The following RGMA variants were observed in gnomAD, a reference collection of about 807,000 sequenced individuals.
RGMA encodes the protein repulsive guidance molecule BMP co-receptor a, also known as repulsive guidance molecule A.
A neutral mutation model predicts 23.2 loss-of-function variants in RGMA; 10 were observed. The ratio of observed to expected loss-of-function variants is 0.43; its 90% CI spans 0.27 to 0.73. RGMA has a LOEUF of 0.73. RGMA is among the 30% of genes least tolerant of loss of function. RGMA has a pLI of 0.20. For missense variants in RGMA, 547 were observed against 630.5 expected, an observed-to-expected ratio of 0.87 and a Z score of 1.42; for synonymous variants, 308 against 279.3, an observed-to-expected ratio of 1.10 and a Z score of -1.03.
intron 1 of RGMA, chr15:93,073,620 G>A (rs918637082): frequency 1.8e-5 from 27 of 1,536,812 alleles, no homozygotes; most frequent in African/African-American, 2.7e-5. Context: ...CTCATCAGTC[G>A]CACTCAGACG....
chr15:93,077,607 T>C (rs909643782), intron 1 of RGMA, among the ~76,000 whole-genome samples: 5 of 152,190 alleles, frequency 3.3e-5, no homozygotes, highest in African/African-American at 1.2e-4. Context: ...CTACAGAAGC[T>C]TCAGTTCTGG....
Position 93,043,238 on chromosome 15 carries a change from A to T in RGMA, c.*1760T>A, listed in dbSNP as rs1245749739. The T allele has an allele frequency of 2.0e-5, 3 of 149,042 alleles. No individual in the cohort carries two copies. The highest frequency in any genetic ancestry group is 7.5e-5 in the African/African-American group (3 of 39,966). The allele number at this position is 149,042 out of a possible 1,614,324, so 9.2% of individuals were successfully genotyped here. ...CACAGGCATGCGCACACATGCGTAC[A>T]TGCACGCACACAGGCACGCACACAC... On this transcript the variant is annotated 3_prime_UTR_variant, in exon 4 of 4. Transcript: ENST00000329082.
In RGMA at chr15:93,045,248, A is replaced by T. The variant is rs1469818138; in HGVS notation, c.1103T>A (p.Leu368Gln). The change falls in exon 4 of 4, where the codon CTG (leucine) becomes CAG (glutamine). Residue 368 changes from leucine to glutamine, a missense_variant. Leu to Gln is a moderately radical substitution (Grantham distance 113). This residue lies in a region of RGMA where 205 missense variants were observed against 204.1 expected (regional missense o/e 1.00). Coordinates refer to ENST00000329082, the MANE Select transcript of RGMA (RefSeq NM_020211.3). The surrounding 1 kb of genome is among the most constrained non-coding windows in gnomAD (Gnocchi z 6.9). Reference sequence around the variant, plus strand: ...CTGGTAGTACAGGTCCTCCACCGGCAGCTTCTCCTTGCACTTGGCCACGGC... The same window carrying T: ...CTGGTAGTACAGGTCCTCCACCGGCTGCTTCTCCTTGCACTTGGCCACGGC... The part of the protein sequence containing the change: ...ETAVAKCKEK[L>Q]PVEDLYYQAC... 1 of 1,612,774 alleles carries T rather than the reference A, an allele frequency of 6.2e-7. No homozygotes were observed. The highest frequency in any genetic ancestry group is 1.7e-5 in the Admixed American group (1 of 59,942).
chr15:93,050,282 C>T lies in RGMA; in HGVS notation c.645+1711G>A, dbSNP rs533962970. Among the ~76,000 whole-genome samples, 4 of 152,314 alleles carry T rather than the reference C, an allele frequency of 2.6e-5. No homozygotes were observed. In the South Asian group the frequency reaches 6.2e-4, roughly 24 times the overall value. ...TCCATCAATGAGTGAACAAACACAC[C>T]TGAGTAACGGAGGCCTGACAGACAG... On this transcript the variant is annotated intron_variant, in intron 3 of 3. Coordinates refer to ENST00000329082, the MANE Select transcript of RGMA (RefSeq NM_020211.3).
intron 2 of RGMA, among the ~76,000 whole-genome samples, chr15:93,052,829 C>T (rs1006058040): frequency 6.6e-6 from 1 of 152,190 alleles, no homozygotes; most frequent in East Asian, 1.9e-4. Context: ...ACCCTGGGGC[C>T]GCTGACATCT....
intron 2 of RGMA, among the ~76,000 whole-genome samples, chr15:93,060,532 G>A (rs1365775396): frequency 6.6e-6 from 1 of 152,222 alleles, no homozygotes; most frequent in East Asian, 1.9e-4. Context: ...GTGGCTCCCA[G>A]ACCCGATGGG....
intron 2 of RGMA, among the ~76,000 whole-genome samples, chr15:93,061,903 G>A (rs879494466): frequency 5.9e-5 from 9 of 152,172 alleles, no homozygotes; most frequent in Non-Finnish European, 1.0e-4. Context: ...GAGGGGGTGT[G>A]AAGGATCGAC....
chr15:93,064,227 A>G (rs1233619435), intron 2 of RGMA, among the ~76,000 whole-genome samples: 2 of 152,260 alleles, frequency 1.3e-5, no homozygotes, highest in Non-Finnish European at 2.9e-5. Flanking sequence ...GGCTGGACAC[A>G]GGATTCCACG....
rs539364846 is a variant in RGMA at position 93,078,766 on chromosome 15, G to C, written c.15-5735C>G. Among the ~76,000 whole-genome samples, 5 of 152,330 alleles carry C rather than the reference G, an allele frequency of 3.3e-5. No homozygotes were observed. The East Asian group carries it at 9.6e-4, about 29-fold the overall frequency. On this transcript the variant is annotated intron_variant, in intron 1 of 3. Transcript: ENST00000329082. ...AACTGCCAGGTTTGGGTAGAGCCCA[G>C]GTAGAATACTATTTTTCGCTTGTTT...
intron 1 of RGMA, among the ~76,000 whole-genome samples, chr15:93,081,363 A>G (rs1385347105): frequency 6.6e-6 from 1 of 152,220 alleles, no homozygotes; most frequent in Non-Finnish European, 1.5e-5. Flanking sequence ...CACGTAGGAA[A>G]TGTCATTTGA....
chr15:93,048,705 G>A (rs542916828), intron 3 of RGMA, among the ~76,000 whole-genome samples: 21 of 152,230 alleles, frequency 1.4e-4, no homozygotes, highest in African/African-American at 4.6e-4. Flanking sequence ...CTATGGAAAC[G>A]GCAACTTCAT....
At position 93,052,166 on chromosome 15, in the gene RGMA, G is replaced by C; in HGVS notation, c.472C>G (p.Pro158Ala). ...AAGAGGCCACAGTGCGTGTAGTTGGGGGTGGCCGAGTGCTTGTGAAAGCTC... is the reference window on the plus strand; with the variant it reads ...AAGAGGCCACAGTGCGTGTAGTTGGCGGTGGCCGAGTGCTTGTGAAAGCTC... ...EKSFHKHSAT[P>A]NYTHCGLFGD... Residue 158 changes from proline (P) to alanine (A), a missense_variant, in exon 3 of 4, where the codon CCC (proline) becomes GCC (alanine). Transcript: ENST00000329082. The C allele has an allele frequency of 6.2e-7, 1 of 1,613,480 alleles. No homozygotes were observed. Among genetic ancestry groups the C allele is most frequent in the Non-Finnish European group, 8.5e-7 (1 of 1,179,580 alleles).
chr15:93,065,052 A>C (rs1895097130), intron 2 of RGMA, among the ~76,000 whole-genome samples: 1 of 150,422 alleles, frequency 6.6e-6, no homozygotes, highest in South Asian at 2.1e-4. Flanking sequence ...ATCTCGGCTC[A>C]CTGCAACCTC....
chr15:93,082,709 C>T (rs1041922255), intron 1 of RGMA, among the ~76,000 whole-genome samples: 2 of 152,154 alleles, frequency 1.3e-5, no homozygotes, highest in African/African-American at 4.8e-5. Flanking sequence ...GAAAAATTTC[C>T]GTGAACAATC....
At chr15:93,066,712 C>T in intron 2 of RGMA, 1 of 356,116 alleles carries the variant, frequency 2.8e-6, no homozygotes, top group Non-Finnish European at 5.4e-6. Context: ...TTGGTAGAGA[C>T]AGGTTGGCCA....
At position 93,073,018 on chromosome 15, in the gene RGMA, C is replaced by A; in HGVS notation, c.28G>T (p.Val10Leu). The change falls in exon 2 of 4, where the codon GTA (valine) becomes TTA (leucine). Residue 10 changes from valine (V) to leucine (L), a missense_variant. This residue lies in a region of RGMA where 214 missense variants were observed against 234.7 expected (regional missense o/e 0.91). Transcript: ENST00000329082. ...CCCATCCATCCAGCTCGGCCTGTTA[C>A]CACTAGCCTCTCCCTGGAAGAAGAG... is the stretch of plus-strand genomic sequence containing the variant. MQPPRERLV[V>L]TGRAGWMGMG... 1 of 1,605,876 alleles carries A rather than the reference C, an allele frequency of 6.2e-7. No individual in the cohort carries two copies. The highest frequency in any genetic ancestry group is 1.7e-5 in the Admixed American group (1 of 59,110).
At position 93,038,569 on chromosome 15, in the gene RGMA, G is replaced by GTTTTTTTTTTTTTTTTTTTTTTGT. The variant is rs1185571787; in HGVS notation, c.*6428_*6429insACAAAAAAAAAAAAAAAAAAAAAA. The GTTTTTTTTTTTTTTTTTTTTTTGT allele has an allele frequency of 3.0e-5, 3 of 100,224 alleles. No homozygotes were observed. Among genetic ancestry groups the GTTTTTTTTTTTTTTTTTTTTTTGT allele is most frequent in the Non-Finnish European group, 7.0e-5 (3 of 42,826 alleles). The allele number at this position is 100,224 out of a possible 1,614,324, so 6.2% of individuals were successfully genotyped here. A position where few individuals can be genotyped will look rare whatever the true frequency, so the allele number is the denominator to read the frequency against. On this transcript the variant is annotated 3_prime_UTR_variant, in exon 4 of 4. Transcript: ENST00000329082. ...GCCTTAATGAACGAAACTGTTAGTT[G>GTTTTTTTTTTTTTTTTTTTTTTGT]TTTTTTTTTTTTTTTTGAGACGGTG...
rs2054717340 is a variant in RGMA at position 93,041,040 on chromosome 15, G to A, written c.*3958C>T. Reference sequence around the variant, plus strand: ...AAGTTTGCCTGCAGCCCGAGCCCAAGTGCCACCCCTGCTCCATGCCACTTG... The same window carrying A: ...AAGTTTGCCTGCAGCCCGAGCCCAAATGCCACCCCTGCTCCATGCCACTTG... On this transcript the variant is annotated 3_prime_UTR_variant, in exon 4 of 4. Transcript: ENST00000329082. 6.6e-6 allele frequency: 1 copy of A among 152,230 alleles called. No individual in the cohort carries two copies. The highest frequency in any genetic ancestry group is 1.5e-5 in the Non-Finnish European group (1 of 68,068). The allele number at this position is 152,230 out of a possible 1,614,324, so 9.4% of individuals were successfully genotyped here.
chr15:93,064,637 G>A (rs182633202), intron 2 of RGMA, among the ~76,000 whole-genome samples: 9 of 152,368 alleles, frequency 5.9e-5, no homozygotes, highest in South Asian at 2.1e-4. Context: ...TTCCTTCTGC[G>A]GGGACCTAGG....
Sources: gnomAD v4.1 joint callset for allele counts (sites outside exome capture counted in the v4.1 genomes callset) on GRCh38, gnomAD v4.1.1 for gene constraint, gnomAD v4.1.1 regional missense constraint, Gnocchi (gnomAD v3.1) non-coding constraint, MANE v1.5 for transcripts, NCBI Gene and HGNC (gene_info 2026-07-23, HGNC 2026-07-21) for gene names.